Variants in GLI2 observed in about 807,000 individuals in gnomAD.
GLI2 encodes transcription activator GLI2.
In GLI2, 22 loss-of-function variants were observed where a neutral mutation model predicts 78.9. That is an observed-to-expected ratio of 0.28 (90% confidence interval 0.20 to 0.40). The LOEUF is 0.40. Ranked by LOEUF, GLI2 falls within the 10% of genes least tolerant of loss-of-function variation. The probability of loss-of-function intolerance (pLI) is 1.00; values close to 1 mark genes in which losing one functional copy is unlikely to be tolerated. For missense variants in GLI2, 2,097 were observed against 2,213.2 expected (o/e 0.95, Z 1.05); for synonymous variants, 974 against 963.7 (o/e 1.01, Z -0.20).
chr2:120,783,675 C>A (rs1023877161), intron 1 of GLI2, among the ~76,000 whole-genome samples: 1 of 152,060 alleles, frequency 6.6e-6, no homozygotes, highest in Non-Finnish European at 1.5e-5. Context: ...GTGTCCTTAG[C>A]GGTAACAGCC....
At position 120,927,370 on chromosome 2, in the gene GLI2, A is replaced by G. The variant is rs755135160; in HGVS notation, c.158A>G (p.His53Arg). The G allele has an allele frequency of 6.2e-7, 1 of 1,612,796 alleles. No individual in the cohort carries two copies. Among genetic ancestry groups the G allele is most frequent in the East Asian group, 2.2e-5 (1 of 44,876 alleles). The part of the protein sequence containing the change: ...AAVAAQGVPQ[H>R]LLPPFHAPLP... ...CTCTCCCCCTCTGCAGTGCCGCAGCATCTCTTGCCACCATTCCATGCGCCC... is the reference window on the plus strand; with the variant it reads ...CTCTCCCCCTCTGCAGTGCCGCAGCGTCTCTTGCCACCATTCCATGCGCCC... Residue 53 changes from histidine to arginine, a missense_variant, in exon 3 of 14, where the codon CAT (histidine) becomes CGT (arginine). His to Arg is a conservative substitution (Grantham distance 29). Coordinates refer to ENST00000361492, the MANE Select transcript of GLI2 (RefSeq NM_001374353.1).
At chr2:120,838,308 A>G (rs1686710774) in intron 2 of GLI2, among the ~76,000 whole-genome samples, 1 of 152,168 alleles carries the variant, frequency 6.6e-6, no homozygotes, top group Non-Finnish European at 1.5e-5. Context: ...CTAGTTCATT[A>G]TTGCTGGCAT....
intron 10 of GLI2, among the ~76,000 whole-genome samples, chr2:120,980,206 A>C (rs1682653655): frequency 6.6e-6 from 1 of 152,234 alleles, no homozygotes; most frequent in Non-Finnish European, 1.5e-5. Context: ...AGGAACTGCT[A>C]GTCTGTTTTC....
intron 2 of GLI2, among the ~76,000 whole-genome samples, chr2:120,921,774 C>T (rs1679392379): frequency 6.6e-6 from 1 of 152,114 alleles, no homozygotes. Context: ...CCAGATTGCT[C>T]AGAAAAAAAT....
Position 120,989,056 on chromosome 2 carries a change from G to GGGCCCGAGGCCGACCTGGGGC in GLI2, c.3092_3112dup (p.Gly1037_Leu1038insArgProGluAlaAspLeuGly). On this transcript the variant is annotated inframe_insertion, in exon 14 of 14. Transcript: ENST00000361492. ...CGTGGCGGCAGGAGTGGACGGCGCG[G>GGGCCCGAGGCCGACCTGGGGC]GGCCCGAGGCCGACCTGGGGCTGCC... 1 of 1,609,414 alleles carries GGGCCCGAGGCCGACCTGGGGC rather than the reference G, an allele frequency of 6.2e-7. No individual in the cohort carries two copies. The highest frequency in any genetic ancestry group is 1.3e-5 in the African/African-American group (1 of 75,036).
chr2:120,862,107 G>A (rs528392722), intron 2 of GLI2, among the ~76,000 whole-genome samples: 86 of 152,266 alleles, frequency 5.6e-4, no homozygotes, highest in African/African-American at 1.9e-3. Context: ...AAGCTTTCCC[G>A]CTTTGGCAGG....
intron 10 of GLI2, among the ~76,000 whole-genome samples, chr2:120,980,058 G>T (rs1406631844): frequency 3.3e-5 from 5 of 152,304 alleles, no homozygotes; most frequent in Admixed American, 2.6e-4. Flanking sequence ...ATGGATATTT[G>T]CATTGTATTC....
intron 1 of GLI2, among the ~76,000 whole-genome samples, chr2:120,772,781 A>G (rs964303083): frequency 6.6e-6 from 1 of 152,262 alleles, no homozygotes; most frequent in Admixed American, 6.5e-5. Flanking sequence ...TGACCGTGGC[A>G]TTCTTCAGCA....
chr2:120,871,431 C>T (rs778212681), intron 2 of GLI2, among the ~76,000 whole-genome samples: 11 of 152,252 alleles, frequency 7.2e-5, no homozygotes, highest in Non-Finnish European at 1.5e-4. Context: ...CCTGAACCCA[C>T]GCCCAGGCGT....
intron 2 of GLI2, among the ~76,000 whole-genome samples, chr2:120,926,464 C>T (rs1573614095): frequency 6.6e-6 from 1 of 152,196 alleles, no homozygotes; most frequent in Non-Finnish European, 1.5e-5. Flanking sequence ...GAAATCCAAA[C>T]TTAACCCTGC....
intron 2 of GLI2, among the ~76,000 whole-genome samples, chr2:120,839,885 C>T (rs1261891588): frequency 2.6e-5 from 4 of 152,180 alleles, no homozygotes; most frequent in African/African-American, 9.7e-5. Flanking sequence ...TTTATTAATC[C>T]TTGCAAAGGT....
intron 7 of GLI2, among the ~76,000 whole-genome samples, chr2:120,970,854 C>T (rs760172879): frequency 1.3e-5 from 2 of 152,202 alleles, no homozygotes; most frequent in Non-Finnish European, 2.9e-5. Flanking sequence ...GAGAAAGCCT[C>T]GATTCCCAGG....
intron 9 of GLI2, among the ~76,000 whole-genome samples, chr2:120,977,578 G>A (rs1682516286): frequency 6.6e-6 from 1 of 152,170 alleles, no homozygotes; most frequent in Non-Finnish European, 1.5e-5. Context: ...TGAAGACGGG[G>A]GAGGAAACTG....
intron 2 of GLI2, among the ~76,000 whole-genome samples, chr2:120,816,192 C>CTTTTTTT (rs3053837): frequency 7.4e-6 from 1 of 134,892 alleles, no homozygotes; most frequent in African/African-American, 2.8e-5. Context: ...CCCCAAAGAG[C>CTTTTTTT]TTTTTTTTTT....
chr2:120,864,194 C>T (rs896932080), intron 2 of GLI2, among the ~76,000 whole-genome samples: 3 of 152,174 alleles, frequency 2.0e-5, no homozygotes, highest in South Asian at 2.1e-4. Flanking sequence ...CACACACAGA[C>T]GGGAGGGCTG....
At chr2:120,964,507 G>A (rs1681737927) in intron 5 of GLI2, among the ~76,000 whole-genome samples, 1 of 152,218 alleles carries the variant, frequency 6.6e-6, no homozygotes, top group Non-Finnish European at 1.5e-5. Context: ...TGCTAGGGGT[G>A]GAGTTTGAAA....
At chr2:120,884,932 G>A (rs1421508697) in intron 2 of GLI2, among the ~76,000 whole-genome samples, 1 of 152,112 alleles carries the variant, frequency 6.6e-6, no homozygotes, top group Non-Finnish European at 1.5e-5. Flanking sequence ...GCCATGGCGG[G>A]AGCATCATCA....
Position 120,791,643 on chromosome 2 carries a change from G to T in GLI2, c.-30-5648G>T, listed in dbSNP as rs570456118. On this transcript the variant is annotated intron_variant, in intron 1 of 13. Coordinates refer to ENST00000361492, the MANE Select transcript of GLI2 (RefSeq NM_001374353.1). ...TGTGCATGTGTTTGCCTGGGTCTGT[G>T]TCCTTGTAATATATACATGTGCATG... Among the ~76,000 whole-genome samples the T allele has an allele frequency of 1.4e-4, 22 of 152,304 alleles. No individual in the cohort carries two copies. In the East Asian group the frequency reaches 3.7e-3, roughly 25 times the overall value.
chr2:120,833,705 A>G (rs1395779663), intron 2 of GLI2, among the ~76,000 whole-genome samples: 2 of 152,130 alleles, frequency 1.3e-5, no homozygotes, highest in Admixed American at 1.3e-4. Context: ...GCTTCTGGTC[A>G]TCAACAGGAC....
Sources: gnomAD v4.1 joint callset for allele counts (sites outside exome capture counted in the v4.1 genomes callset) on GRCh38, gnomAD v4.1.1 for gene constraint, MANE v1.5 for transcripts, NCBI Gene and HGNC (gene_info 2026-07-23, HGNC 2026-07-21) for gene names.